Variants in PRKACB observed in about 807,000 individuals in gnomAD.
The protein encoded by PRKACB is cAMP-dependent protein kinase catalytic subunit beta.
PRKACB carries 16 observed loss-of-function variants against 51.4 expected under a neutral mutation model. That is an observed-to-expected ratio of 0.31 (90% CI 0.21 to 0.47). The LOEUF (loss-of-function observed/expected upper bound fraction) is 0.47, where lower values mean the gene tolerates loss of function less well. Among genes scored for constraint, PRKACB ranks in the 20% least tolerant of loss-of-function variants. PRKACB has a pLI of 1.00. For missense variants in PRKACB, 309 were observed against 464.5 expected (o/e 0.67, Z 3.08); for synonymous variants, 147 against 154.4 (o/e 0.95, Z 0.35).
chr1:84,157,147 T>A lies in PRKACB; in HGVS notation c.187+12599T>A, dbSNP rs372826445. ...GTTGATCCCTTTCAGAATTCCTGTT[T>A]CATTTTTTTATGCAGATCTATTTAC... On this transcript the variant is annotated intron_variant, in intron 1 of 9. Transcript: ENST00000370685. Among the ~76,000 whole-genome samples the A allele has an allele frequency of 7.9e-5, 12 of 152,198 alleles. 1 individual carries two copies. The highest frequency in any genetic ancestry group is 6.5e-4 in the Admixed American group (10 of 15,268).
chr1:84,120,109 T>C (rs1401602375), intron 1 of PRKACB, among the ~76,000 whole-genome samples: 1 of 152,130 alleles, frequency 6.6e-6, no homozygotes, highest in Non-Finnish European at 1.5e-5. Context: ...GCTGGCACTC[T>C]AAACTTCTGG....
chr1:84,232,478 T>A (rs1051084910), intron 9 of PRKACB, among the ~76,000 whole-genome samples: 10 of 152,350 alleles, frequency 6.6e-5, no homozygotes, highest in African/African-American at 2.4e-4. Context: ...GTTGACTTTC[T>A]GTCTCATTGA....
chr1:84,110,241 A>C (rs987933327), intron 1 of PRKACB, among the ~76,000 whole-genome samples: 1 of 151,998 alleles, frequency 6.6e-6, no homozygotes, highest in Non-Finnish European at 1.5e-5. Context: ...CAAATAAAAA[A>C]CAATACAGTA....
chr1:84,208,072 T>A (rs188152685), intron 8 of PRKACB, among the ~76,000 whole-genome samples: 77 of 152,270 alleles, frequency 5.1e-4, no homozygotes, highest in African/African-American at 1.8e-3. Flanking sequence ...TTCACCATGT[T>A]GGCCAGGCTG....
At chr1:84,111,734 A>C (rs1650245093) in intron 1 of PRKACB, among the ~76,000 whole-genome samples, 2 of 152,088 alleles carry the variant, frequency 1.3e-5, no homozygotes, top group African/African-American at 4.8e-5. Flanking sequence ...TAAAAAAAAA[A>C]GTATATGTCC....
rs1001315491 is a variant in PRKACB at position 84,196,010 on chromosome 1, A to T, written c.561-606A>T. The stretch of plus-strand genomic sequence containing the variant: ...AACAAGCATAGTAAAAGATTTGGAA[A>T]TTCTGATGCCAAGATTGTATCTATG... On this transcript the variant is annotated intron_variant, in intron 5 of 9. Coordinates refer to ENST00000370685, the MANE Select transcript of PRKACB (RefSeq NM_182948.4). Among the ~76,000 whole-genome samples, 72 of 152,172 alleles carry T rather than the reference A, an allele frequency of 4.7e-4. 1 individual carries two copies. The highest frequency in any genetic ancestry group is 1.2e-4 in the Non-Finnish European group (8 of 68,026).
intron 1 of PRKACB, among the ~76,000 whole-genome samples, chr1:84,136,660 A>G (rs1032006428): frequency 2.6e-5 from 4 of 152,228 alleles, no homozygotes; most frequent in Non-Finnish European, 4.4e-5. Flanking sequence ...TTACCACACA[A>G]TCCAGCAATC....
chr1:84,086,804 C>T (rs1243534728), intron 1 of PRKACB, among the ~76,000 whole-genome samples: 3 of 152,194 alleles, frequency 2.0e-5, no homozygotes, highest in Non-Finnish European at 4.4e-5. Flanking sequence ...CAGCTAGCCT[C>T]CCGGGCAGGG....
chr1:84,189,951 C>T (rs867222346), intron 5 of PRKACB, among the ~76,000 whole-genome samples: 102 of 151,840 alleles, frequency 6.7e-4, no homozygotes, highest in African/African-American at 2.3e-3. Flanking sequence ...AATTTCTTTC[C>T]CTAACTATTT....
At chr1:84,106,870 G>GT (rs1253640944) in intron 1 of PRKACB, among the ~76,000 whole-genome samples, 2 of 152,152 alleles carry the variant, frequency 1.3e-5, no homozygotes, top group Non-Finnish European at 2.9e-5. Context: ...TAAGGCTACA[G>GT]TAACCAAAAC....
chr1:84,211,974 T>C (rs767515397), intron 8 of PRKACB, among the ~76,000 whole-genome samples: 10 of 152,184 alleles, frequency 6.6e-5, no homozygotes, highest in Non-Finnish European at 1.0e-4. Flanking sequence ...TGCTAATTTA[T>C]ATGAGTTGAG....
At chr1:84,100,162 A>T (rs1283138210) in intron 1 of PRKACB, among the ~76,000 whole-genome samples, 1 of 152,210 alleles carries the variant, frequency 6.6e-6, no homozygotes, top group Non-Finnish European at 1.5e-5. Flanking sequence ...GTGACAGGAG[A>T]GAGTGTGAGC....
At chr1:84,092,838 T>G (rs756000400) in intron 1 of PRKACB, among the ~76,000 whole-genome samples, 2 of 152,070 alleles carry the variant, frequency 1.3e-5, no homozygotes, top group Non-Finnish European at 2.9e-5. Context: ...TGTTGATCAC[T>G]TTTTCATGTT....
chr1:84,152,419 G>A (rs1654958488), intron 1 of PRKACB, among the ~76,000 whole-genome samples: 1 of 152,272 alleles, frequency 6.6e-6, no homozygotes, highest in African/African-American at 2.4e-5. Context: ...TTGAAGCCAG[G>A]CATTGCCTTC....
At chr1:84,078,506 C>A in intron 1 of PRKACB, 2 of 984,400 alleles carry the variant, frequency 2.0e-6, no homozygotes, top group Non-Finnish European at 1.5e-6. Flanking sequence ...TTCTGGGGGG[C>A]CGGGAGACCA....
At chr1:84,212,146 C>T (rs1240869469) in intron 8 of PRKACB, among the ~76,000 whole-genome samples, 1 of 152,172 alleles carries the variant, frequency 6.6e-6, no homozygotes, top group Non-Finnish European at 1.5e-5. Flanking sequence ...AATAAAACCT[C>T]TGCATAAAGT....
intron 1 of PRKACB, among the ~76,000 whole-genome samples, chr1:84,079,866 A>G (rs1292744495): frequency 1.3e-5 from 2 of 152,064 alleles, no homozygotes; most frequent in African/African-American, 4.8e-5. Flanking sequence ...GAGTTTCACC[A>G]TGTTGGTCAG....
chr1:84,084,420 G>T (rs1227596526), intron 1 of PRKACB, among the ~76,000 whole-genome samples: 1 of 152,232 alleles, frequency 6.6e-6, no homozygotes. Flanking sequence ...AGACACTAGG[G>T]AGCCATCGTG....
chr1:84,217,120 AC>A (rs1467732098), intron 9 of PRKACB, among the ~76,000 whole-genome samples: 1 of 152,176 alleles, frequency 6.6e-6, no homozygotes, highest in Non-Finnish European at 1.5e-5. Flanking sequence ...CAGTTTTATC[AC>A]CCTTAAAATT....
Sources: allele counts gnomAD v4.1 joint callset (sites outside exome capture counted in the v4.1 genomes callset), GRCh38; gene constraint gnomAD v4.1.1; transcripts MANE v1.5; gene names NCBI Gene and HGNC (gene_info 2026-07-23, HGNC 2026-07-21).